The following ZBTB20 variants were observed in gnomAD, a reference collection of about 807,000 sequenced individuals.
The protein encoded by ZBTB20 is zinc finger and BTB domain containing 20.
Under a neutral mutation model 56.9 loss-of-function variants are expected in ZBTB20, and 9 were observed. The ratio of observed to expected loss-of-function variants is 0.16; its 90% CI spans 0.10 to 0.28. ZBTB20 has a LOEUF of 0.28. Ranked by LOEUF, ZBTB20 falls within the 10% of genes least tolerant of loss-of-function variation. The pLI is 1.00. For synonymous variants in ZBTB20, 417 were observed against 420.7 expected, an observed-to-expected ratio of 0.99 and a Z score of 0.11; for missense variants, 655 against 1,003.0, an observed-to-expected ratio of 0.65 and a Z score of 4.69.
chr3:115,057,466 ACTT>A (rs1227473127), intron 2 of ZBTB20, among the ~76,000 whole-genome samples: 1 of 152,090 alleles, frequency 6.6e-6, no homozygotes, highest in Non-Finnish European at 1.5e-5. Context: ...TCAACAACAC[ACTT>A]CTATTTCCCT....
At chr3:114,676,860 C>T (rs934555038) in intron 6 of ZBTB20, among the ~76,000 whole-genome samples, 7 of 150,796 alleles carry the variant, frequency 4.6e-5, no homozygotes, top group African/African-American at 1.7e-4. Context: ...CTGCAATGTC[C>T]GACTCCCTGG....
chr3:114,316,339 T>C lies in ZBTB20; in HGVS notation c.*22666A>G. The C allele has an allele frequency of 5.0e-6, 2 of 403,850 alleles. No individual in the cohort carries two copies. The highest frequency in any genetic ancestry group is 9.6e-6 in the Non-Finnish European group (2 of 209,050). The allele number at this position is 403,850 out of a possible 1,614,324, so 25.0% of individuals were successfully genotyped here. ...ACCAAAGTCACTGCAAGTAGCTGTT[T>C]TTATTTTTTGTGATCTGTTGCAAGA... On this transcript the variant is annotated 3_prime_UTR_variant, in exon 12 of 12. Coordinates refer to ENST00000675478, the MANE Select transcript of ZBTB20 (RefSeq NM_001348800.3).
At chr3:114,626,416 C>T (rs1035191002) in intron 6 of ZBTB20, among the ~76,000 whole-genome samples, 15 of 152,128 alleles carry the variant, frequency 9.9e-5, no homozygotes, top group Admixed American at 2.0e-4. Flanking sequence ...ACATGGTGAA[C>T]ATTCAGTAAA....
chr3:115,034,798 C>T (rs949325945), intron 2 of ZBTB20, among the ~76,000 whole-genome samples: 5 of 151,896 alleles, frequency 3.3e-5, no homozygotes, highest in Admixed American at 1.3e-4. Context: ...AAAACCAAAG[C>T]ACTCAAACTT....
intron 2 of ZBTB20, among the ~76,000 whole-genome samples, chr3:115,058,764 C>T (rs2108467426): frequency 6.6e-6 from 1 of 152,234 alleles, no homozygotes; most frequent in Middle Eastern, 3.4e-3. Context: ...AGTAATTTTT[C>T]TTCCTTCCTT....
intron 6 of ZBTB20, among the ~76,000 whole-genome samples, chr3:114,691,930 G>C (rs891731586): frequency 9.2e-5 from 14 of 152,092 alleles, no homozygotes; most frequent in Non-Finnish European, 1.8e-4. Context: ...CTTCCCCAAG[G>C]AGCTTTTCAT....
chr3:114,812,494 A>G (rs1212680535), intron 4 of ZBTB20, among the ~76,000 whole-genome samples: 1 of 152,172 alleles, frequency 6.6e-6, no homozygotes, highest in Non-Finnish European at 1.5e-5. Flanking sequence ...TGTATTTACA[A>G]TCCCTGAGCT....
intron 6 of ZBTB20, among the ~76,000 whole-genome samples, chr3:114,618,397 C>T (rs764566513): frequency 1.3e-5 from 2 of 151,682 alleles, no homozygotes; most frequent in Non-Finnish European, 2.9e-5. Context: ...GCTGGGACTA[C>T]AGGCATGTGC....
At chr3:115,052,783 G>A (rs2895420) in intron 2 of ZBTB20, among the ~76,000 whole-genome samples, 23,047 of 152,036 alleles carry the variant, frequency 0.15, 3,424 homozygotes, top group African/African-American at 0.39. Context: ...TATTATAGGA[G>A]ACTCAGAAAA....
At chr3:114,485,874 T>C (rs549330343) in intron 7 of ZBTB20, among the ~76,000 whole-genome samples, 104 of 152,258 alleles carry the variant, frequency 6.8e-4, no homozygotes, top group Non-Finnish European at 1.0e-3. Context: ...TCTGTAACTA[T>C]GAAAAATAAG....
chr3:115,138,932 A>G (rs1418298259), intron 1 of ZBTB20, among the ~76,000 whole-genome samples: 1 of 151,904 alleles, frequency 6.6e-6, no homozygotes, highest in African/African-American at 2.4e-5. Flanking sequence ...CAATATGTAT[A>G]CTGGGTTTCA....
At chr3:115,136,269 TA>T (rs1390854000) in intron 1 of ZBTB20, among the ~76,000 whole-genome samples, 2 of 152,080 alleles carry the variant, frequency 1.3e-5, no homozygotes, top group African/African-American at 4.8e-5. Context: ...GGAAAGTCTA[TA>T]ATAGGTAATA....
At chr3:114,444,305 T>A (rs2091124253) in intron 7 of ZBTB20, among the ~76,000 whole-genome samples, 1 of 152,176 alleles carries the variant, frequency 6.6e-6, no homozygotes, top group Non-Finnish European at 1.5e-5. Context: ...GATACAAGGC[T>A]ATGGAGGTCT....
At chr3:114,580,693 G>T (rs565089172) in intron 6 of ZBTB20, among the ~76,000 whole-genome samples, 16 of 151,764 alleles carry the variant, frequency 1.1e-4, no homozygotes, top group African/African-American at 3.9e-4. Flanking sequence ...ATGGAAAACA[G>T]ATATGAATAT....
intron 4 of ZBTB20, among the ~76,000 whole-genome samples, chr3:114,814,016 A>G (rs2072751702): frequency 6.6e-6 from 1 of 151,892 alleles, no homozygotes; most frequent in African/African-American, 2.4e-5. Context: ...TTATCTTGAT[A>G]TTTACATTAT....
At chr3:114,888,300 G>A (rs924813687) in intron 4 of ZBTB20, among the ~76,000 whole-genome samples, 4 of 151,958 alleles carry the variant, frequency 2.6e-5, no homozygotes, top group African/African-American at 9.7e-5. Flanking sequence ...GTGCACACCT[G>A]TAGTCCCAGC....
At chr3:114,997,558 T>C (rs1360943903) in intron 2 of ZBTB20, among the ~76,000 whole-genome samples, 1 of 151,494 alleles carries the variant, frequency 6.6e-6, no homozygotes, top group Non-Finnish European at 1.5e-5. Flanking sequence ...TTTCTTTTTC[T>C]TTTCTTTAAA....
intron 5 of ZBTB20, among the ~76,000 whole-genome samples, chr3:114,722,201 C>A (rs1424504356): frequency 6.6e-6 from 1 of 152,104 alleles, no homozygotes; most frequent in Non-Finnish European, 1.5e-5. Flanking sequence ...TGGCTCAGGG[C>A]CCTTTCTAAC....
intron 1 of ZBTB20, among the ~76,000 whole-genome samples, chr3:115,141,715 T>C (rs2084816152): frequency 6.6e-6 from 1 of 152,204 alleles, no homozygotes; most frequent in Non-Finnish European, 1.5e-5. Flanking sequence ...TTTGTCTCTA[T>C]CACTTGACAG....
Sources: allele counts gnomAD v4.1 joint callset (sites outside exome capture counted in the v4.1 genomes callset), GRCh38; gene constraint gnomAD v4.1.1; transcripts MANE v1.5; gene names NCBI Gene and HGNC (gene_info 2026-07-23, HGNC 2026-07-21).